DISP3: variants seen among roughly 807,000 people sequenced by gnomAD.
The protein encoded by DISP3 is dispatched RND transporter family member 3.
In DISP3, 101 loss-of-function variants were observed where a neutral mutation model predicts 135.3. That is an observed-to-expected ratio of 0.75 (90% CI 0.64 to 0.88). The LOEUF is 0.88. Among genes scored for constraint, DISP3 ranks in the 40% least tolerant of loss-of-function variants. The pLI is 0.00. For missense variants in DISP3, 1,713 were observed against 1,878.6 expected (o/e 0.91, Z 1.63); for synonymous variants, 856 against 817.0 (o/e 1.05, Z -0.81).
At chr1:11,485,338 G>A (rs566193957) in intron 1 of DISP3, among the ~76,000 whole-genome samples, 88 of 152,314 alleles carry the variant, frequency 5.8e-4, no homozygotes, top group African/African-American at 2.1e-3. Context: ...AGGGTGCAGT[G>A]GAGAAGGCTC....
chr1:11,514,755 C>CA (rs2100450379), intron 4 of DISP3, among the ~76,000 whole-genome samples: 1 of 152,388 alleles, frequency 6.6e-6, no homozygotes, highest in South Asian at 2.1e-4. Context: ...GGCCCCTGCA[C>CA]AGTTGGACCT....
In DISP3 at chr1:11,501,685, G is replaced by A; in HGVS notation, c.693G>A (p.Arg231=). 1.2e-6 allele frequency: 2 copies of A among 1,604,548 alleles called. No homozygotes were observed. The highest frequency in any genetic ancestry group is 1.7e-6 in the Non-Finnish European group (2 of 1,176,276). Residue 231 remains arginine, a synonymous_variant, in exon 2 of 21, where the codon CGG becomes CGA. Transcript: ENST00000294484. The surrounding 1 kb of genome is among the most constrained non-coding windows in gnomAD (Gnocchi z 4.9). ...PRNQRLSKNG[R]YQPSIPPHAA... ...ACCAGCGGCTGAGCAAGAATGGGCG[G>A]TACCAGCCCAGCATCCCGCCCCACG...
At chr1:11,497,860 T>C (rs1299840163) in intron 1 of DISP3, among the ~76,000 whole-genome samples, 1 of 152,240 alleles carries the variant, frequency 6.6e-6, no homozygotes, top group African/African-American at 2.4e-5. Context: ...GAAAGTTCTA[T>C]TGAATACCTC....
chr1:11,532,381 C>T (rs1221695924), intron 17 of DISP3, among the ~76,000 whole-genome samples: 1 of 152,208 alleles, frequency 6.6e-6, no homozygotes, highest in African/African-American at 2.4e-5. Context: ...CTGGCCTCAT[C>T]TGTAGAAGAG....
chr1:11,522,625 C>G (rs951183666), intron 10 of DISP3, among the ~76,000 whole-genome samples: 125 of 44,170 alleles, frequency 2.8e-3, no homozygotes, highest in Admixed American at 5.8e-3. Context: ...AGGACCCAGC[C>G]AGAGCCCAGC....
At chr1:11,534,615 G>A (rs1384327604) in intron 18 of DISP3, 75 bp downstream of exon 18, 27 of 1,513,470 alleles carry the variant, frequency 1.8e-5, no homozygotes, top group South Asian at 1.4e-4. Flanking sequence ...GGCACAGAGC[G>A]GCCTGAGTCA....
chr1:11,502,813 T>C lies in DISP3; in HGVS notation c.1232T>C (p.Val411Ala). 2 of 1,614,220 alleles carry C rather than the reference T, an allele frequency of 1.2e-6. No individual in the cohort carries two copies. The highest frequency in any genetic ancestry group is 1.7e-6 in the Non-Finnish European group (2 of 1,180,032). Residue 411 changes from valine to alanine, a missense_variant, in exon 3 of 21, where the codon GTA becomes GCA. Around this residue, in one of 2 missense-constraint regions of DISP3, gnomAD observed 1,142 missense variants for 1,384.6 expected, o/e 0.82. Coordinates refer to ENST00000294484, the MANE Select transcript of DISP3 (RefSeq NM_020780.2). The stretch of plus-strand genomic sequence containing the variant: ...GCACCCCTGCCCAACTACTACTCAG[T>C]AGATGACCGCTGGGAGGAACAACGG... ...FGAPLPNYYS[V>A]DDRWEEQRAK...
chr1:11,501,927 G>A lies in DISP3; in HGVS notation c.935G>A (p.Arg312Gln), dbSNP rs775347907. Residue 312 changes from arginine to glutamine, a missense_variant, in exon 2 of 21, where the codon CGG (arginine) becomes CAG (glutamine). By Grantham distance (43) the Arg-to-Gln change is conservative (BLOSUM62 1). Coordinates refer to ENST00000294484, the MANE Select transcript of DISP3 (RefSeq NM_020780.2). This position sits in a 1 kb window ranked among gnomAD's most constrained non-coding sequence, Gnocchi z 4.9. ...AAGATCATGGACCACCCAGGCTTCC[G>A]GGAGTTCTGCTGGAAGCCCCACGAG... is the stretch of plus-strand genomic sequence containing the variant. Reference protein sequence around the residue: ...ERKIMDHPGFREFCWKPHEVL... With the variant: ...ERKIMDHPGFQEFCWKPHEVL... 4 of 1,613,688 alleles carry A rather than the reference G, an allele frequency of 2.5e-6. No individual in the cohort carries two copies. The highest frequency in any genetic ancestry group is 1.7e-5 in the Admixed American group (1 of 60,006).
At position 11,530,951 on chromosome 1, in the gene DISP3, T is replaced by G. The variant is rs1247429194; in HGVS notation, c.3147T>G (p.Ile1049Met). ...YDSSFDLFKEIGHLCHLCKAI... is the reference protein window; with the variant it reads ...YDSSFDLFKEMGHLCHLCKAI... ...GCAGCTTTGACCTCTTCAAGGAAAT[T>G]GGGCACCTGTGTCACCTCTGCAAGG... The change falls in exon 16 of 21, where the codon ATT becomes ATG. Residue 1049 changes from isoleucine (I) to methionine (M), a missense_variant. This residue lies in a region of DISP3 where 1,142 missense variants were observed against 1,384.6 expected (regional missense o/e 0.82). Coordinates refer to ENST00000294484, the MANE Select transcript of DISP3 (RefSeq NM_020780.2). 1.2e-6 allele frequency: 2 copies of G among 1,613,984 alleles called. No individual in the cohort carries two copies. The highest frequency in any genetic ancestry group is 3.3e-5 in the Admixed American group (2 of 60,014).
intron 15 of DISP3, among the ~76,000 whole-genome samples, chr1:11,530,553 G>A (rs530954792): frequency 2.6e-4 from 40 of 152,154 alleles, no homozygotes; most frequent in African/African-American, 7.7e-4. Context: ...GTCTGCAGGC[G>A]CTCGGAGCAG....
Position 11,515,449 on chromosome 1 carries a change from A to G in DISP3, c.1534A>G (p.Ile512Val), listed in dbSNP as rs751897566. Residue 512 changes from isoleucine (I) to valine (V), a missense_variant, in exon 5 of 21, where the codon ATC becomes GTC. Around this residue, in one of 2 missense-constraint regions of DISP3, gnomAD observed 1,142 missense variants for 1,384.6 expected, o/e 0.82. Coordinates refer to ENST00000294484, the MANE Select transcript of DISP3 (RefSeq NM_020780.2). ...ALFLYHVVFG[I>V]QYLGILNGVA... ...CTTCCTGTACCACGTGGTCTTTGGT[A>G]TCCAGTACTTGGGCATCCTGAATGG... The G allele has an allele frequency of 6.2e-7, 1 of 1,613,718 alleles. No homozygotes were observed. Among genetic ancestry groups the G allele is most frequent in the South Asian group, 1.1e-5 (1 of 91,006 alleles).
rs1017458125 is a variant in DISP3, at chr1:11,536,914, C to T, written c.*228C>T. 1.5e-5 allele frequency: 9 copies of T among 614,412 alleles called. No homozygotes were observed. The highest frequency in any genetic ancestry group is 1.2e-4 in the East Asian group (4 of 34,400). 38.1% of individuals were successfully genotyped at this position (614,412 alleles called of 1,614,324 possible). ...AGGCCGGGCTACTGGCAGCCACACT[C>T]GGCTTTTTGCCCAGTGGCAGAAGAG... On this transcript the variant is annotated 3_prime_UTR_variant, in exon 21 of 21. Transcript: ENST00000294484. This position sits in a 1 kb window ranked among gnomAD's most constrained non-coding sequence, Gnocchi z 4.3.
chr1:11,481,420 C>T (rs1056193679), intron 1 of DISP3: 1 of 152,202 alleles, frequency 6.6e-6, no homozygotes, highest in Non-Finnish European at 1.5e-5. Flanking sequence ...ATTCTGGAAC[C>T]CCCCTCGAGA....
chr1:11,529,965 G>A lies in DISP3; in HGVS notation c.3102+6G>A. The A allele has an allele frequency of 6.2e-7, 1 of 1,610,956 alleles. No individual in the cohort carries two copies. The highest frequency in any genetic ancestry group is 1.1e-5 in the South Asian group (1 of 91,030). On this transcript the variant is annotated splice_donor_region_variant and intron_variant, in intron 15 of 20. Coordinates refer to ENST00000294484, the MANE Select transcript of DISP3 (RefSeq NM_020780.2). This position sits in a 1 kb window ranked among gnomAD's most constrained non-coding sequence, Gnocchi z 4.7. Reference sequence around the variant, plus strand: ...ACCACGTCATTGGAGACCCGGTACGGGGCATGCGTCGGGCAGATGCCGAGG... The same window carrying A: ...ACCACGTCATTGGAGACCCGGTACGAGGCATGCGTCGGGCAGATGCCGAGG...
chr1:11,503,646 AC>A (rs956457256), intron 3 of DISP3, among the ~76,000 whole-genome samples: 3 of 151,854 alleles, frequency 2.0e-5, no homozygotes, highest in African/African-American at 7.3e-5. Flanking sequence ...GACAGTGCCC[AC>A]CCCAGCCACT....
rs759961545 is a variant in DISP3 at position 11,517,466 on chromosome 1, C to T, written c.1753C>T (p.Pro585Ser). The T allele has an allele frequency of 3.1e-6, 5 of 1,614,110 alleles. No individual in the cohort carries two copies. Among genetic ancestry groups the T allele is most frequent in the South Asian group, 1.1e-5 (1 of 91,082 alleles). ...CTCTCTTCCTTTCCATCACCAGATC[C>T]CAGCCGTCCACGACTTTGGCCTGTT... ...AYAANVFSQI[P>S]AVHDFGLFMS... Residue 585 changes from proline to serine, a missense_variant, in exon 7 of 21, where the codon CCA becomes TCA. By Grantham distance (74) the Pro-to-Ser change is moderately conservative. Transcript: ENST00000294484.
chr1:11,519,698 G>A lies in DISP3; in HGVS notation c.2039-21G>A, dbSNP rs142936742. On this transcript the variant is annotated intron_variant, in intron 8 of 20. Coordinates refer to ENST00000294484, the MANE Select transcript of DISP3 (RefSeq NM_020780.2). This position sits in a 1 kb window ranked among gnomAD's most constrained non-coding sequence, Gnocchi z 4.3. Reference sequence around the variant, plus strand: ...TGGGCTTTGATTCAGGCTCTGACGGGCCACTGCTCTGCCCTGGCAGTGTCA... The same window carrying A: ...TGGGCTTTGATTCAGGCTCTGACGGACCACTGCTCTGCCCTGGCAGTGTCA... 4.6e-4 allele frequency: 738 copies of A among 1,607,266 alleles called. 2 individuals carry two copies. The African/African-American group carries it at 9.0e-3, about 20-fold the overall frequency.
At chr1:11,528,211 C>T (rs1642479153) in intron 13 of DISP3, among the ~76,000 whole-genome samples, 1 of 152,196 alleles carries the variant, frequency 6.6e-6, no homozygotes, top group South Asian at 2.1e-4. Context: ...GGGAGGGCCC[C>T]TGTTGTATTC....
At chr1:11,502,463 T>A (rs1175947524) in intron 2 of DISP3, among the ~76,000 whole-genome samples, 1 of 151,682 alleles carries the variant, frequency 6.6e-6, no homozygotes. Flanking sequence ...TGAAGAAGAC[T>A]GAGATAGGGT....
Sources: gnomAD v4.1 joint callset for allele counts (sites outside exome capture counted in the v4.1 genomes callset) on GRCh38, gnomAD v4.1.1 for gene constraint, gnomAD v4.1.1 regional missense constraint, Gnocchi (gnomAD v3.1) non-coding constraint, MANE v1.5 for transcripts, NCBI Gene and HGNC (gene_info 2026-07-23, HGNC 2026-07-21) for gene names.